AUTS2: variants seen among roughly 807,000 people sequenced by gnomAD.
AUTS2 encodes activator of transcription and developmental regulator AUTS2.
Under a neutral mutation model 112.4 loss-of-function variants are expected in AUTS2, and 17 were observed. That is an observed-to-expected ratio of 0.15 (90% confidence interval 0.10 to 0.23). The LOEUF is 0.23. Ranked by LOEUF, AUTS2 falls within the 10% of genes least tolerant of loss-of-function variation. The pLI is 1.00. For missense variants in AUTS2, 1,510 were observed against 1,701.6 expected (o/e 0.89, Z 1.98); for synonymous variants, 751 against 702.7 (o/e 1.07, Z -1.09).
intron 5 of AUTS2, among the ~76,000 whole-genome samples, chr7:70,594,648 T>G (rs1185007827): frequency 6.6e-6 from 1 of 152,198 alleles, no homozygotes; most frequent in East Asian, 1.9e-4. Flanking sequence ...CTTGCTGTTT[T>G]TCTCTCTCCT....
chr7:70,458,184 T>A (rs1585168978), intron 5 of AUTS2, among the ~76,000 whole-genome samples: 1 of 152,000 alleles, frequency 6.6e-6, no homozygotes, highest in South Asian at 2.1e-4. Context: ...CAGCCTGGAG[T>A]GGCCCACAGC....
chr7:69,965,969 G>T (rs1006049024), intron 2 of AUTS2, among the ~76,000 whole-genome samples: 1 of 152,154 alleles, frequency 6.6e-6, no homozygotes, highest in Non-Finnish European at 1.5e-5. Context: ...TTATTACAGG[G>T]AAGTTTATAA....
chr7:70,152,788 A>G (rs1197506261), intron 4 of AUTS2, among the ~76,000 whole-genome samples: 1 of 152,186 alleles, frequency 6.6e-6, no homozygotes, highest in East Asian at 1.9e-4. Context: ...AAAGCAAATT[A>G]AAACCATAAT....
At chr7:69,724,623 T>C (rs763019330) in intron 1 of AUTS2, among the ~76,000 whole-genome samples, 11 of 152,226 alleles carry the variant, frequency 7.2e-5, no homozygotes, top group Non-Finnish European at 1.3e-4. Flanking sequence ...TTTGTTTTGC[T>C]GAGCTGAATG....
Position 70,790,751 on chromosome 7 carries a change from C to T in AUTS2, c.3535C>T (p.Leu1179Phe), listed in dbSNP as rs768756485. The T allele has an allele frequency of 8.1e-6, 13 of 1,613,482 alleles. No individual in the cohort carries two copies. Among genetic ancestry groups the T allele is most frequent in the Non-Finnish European group, 1.1e-5 (13 of 1,179,896 alleles). ...GCACCCCGCCTCCCTCGACGGACAC[C>T]TCCCCCACCCCAGCCTCATCACCCC... ...SVHPASLDGH[L>F]PHPSLITPGL... Residue 1179 changes from leucine (L) to phenylalanine (F), a missense_variant, in exon 19 of 19, where the codon CTC becomes TTC. Leu to Phe is a conservative substitution (Grantham distance 22, BLOSUM62 0). This residue lies in a region of AUTS2 where 788 missense variants were observed against 797.6 expected (regional missense o/e 0.99). Coordinates refer to ENST00000342771, the MANE Select transcript of AUTS2 (RefSeq NM_015570.4). This position sits in a 1 kb window ranked among gnomAD's most constrained non-coding sequence, Gnocchi z 7.6.
At chr7:70,702,783 G>A (rs1399327325) in intron 6 of AUTS2, among the ~76,000 whole-genome samples, 1 of 152,104 alleles carries the variant, frequency 6.6e-6, no homozygotes, top group Admixed American at 6.5e-5. Flanking sequence ...CAACGCTCTG[G>A]CCACCTGGAG....
Position 70,790,179 on chromosome 7 carries a change from A to G in AUTS2, c.2963A>G (p.Glu988Gly). The change falls in exon 19 of 19, where the codon GAA (glutamate) becomes GGA (glycine). Residue 988 changes from glutamate (E) to glycine (G), a missense_variant. Coordinates refer to ENST00000342771, the MANE Select transcript of AUTS2 (RefSeq NM_015570.4). The surrounding 1 kb of genome is among the most constrained non-coding windows in gnomAD (Gnocchi z 7.6). ...SEVKVKEERK[E>G]DHDLPPEAPQ... ...GTCAAGGTGAAGGAGGAGCGGAAGG[A>G]AGACCATGACCTGCCTCCAGAGGCC... 1 of 1,612,206 alleles carries G rather than the reference A, an allele frequency of 6.2e-7. No homozygotes were observed. The highest frequency in any genetic ancestry group is 8.5e-7 in the Non-Finnish European group (1 of 1,179,682).
intron 2 of AUTS2, among the ~76,000 whole-genome samples, chr7:69,937,495 A>G (rs1399512430): frequency 6.6e-6 from 1 of 152,128 alleles, no homozygotes; most frequent in East Asian, 1.9e-4. Flanking sequence ...TTGAATGTAG[A>G]TGCTTGAAAC....
intron 2 of AUTS2, among the ~76,000 whole-genome samples, chr7:69,985,830 A>G (rs532275743): frequency 2.0e-5 from 3 of 151,630 alleles, no homozygotes; most frequent in South Asian, 4.2e-4. Flanking sequence ...AATATGATTC[A>G]CTGCAGCCTC....
At chr7:70,657,840 G>T (rs1806854572) in intron 5 of AUTS2, among the ~76,000 whole-genome samples, 1 of 152,134 alleles carries the variant, frequency 6.6e-6, no homozygotes, top group South Asian at 2.1e-4. Flanking sequence ...CTGGGGACAG[G>T]CAGGGAGAAA....
chr7:70,407,898 C>T (rs569757353), intron 4 of AUTS2, among the ~76,000 whole-genome samples: 1 of 151,756 alleles, frequency 6.6e-6, no homozygotes, highest in Non-Finnish European at 1.5e-5. Context: ...ACTAAAAATA[C>T]AAAAAATTAG....
At chr7:70,652,551 T>G (rs6978261) in intron 5 of AUTS2, among the ~76,000 whole-genome samples, 29,317 of 152,048 alleles carry the variant, frequency 0.19, 3,450 homozygotes, top group East Asian at 0.37. Flanking sequence ...AGTTGGAAAA[T>G]GTGCCAAGTC....
Position 70,109,160 on chromosome 7 carries a change from T to G in AUTS2, c.523-8972T>G, listed in dbSNP as rs565494030. On this transcript the variant is annotated intron_variant, in intron 2 of 18. Coordinates refer to ENST00000342771, the MANE Select transcript of AUTS2 (RefSeq NM_015570.4). Reference sequence around the variant, plus strand: ...CCATTTAAAAAGTTATTGAAACATGTTTTTTAAAAACAGAAAATCATAAAA... The same window carrying G: ...CCATTTAAAAAGTTATTGAAACATGGTTTTTAAAAACAGAAAATCATAAAA... Among the ~76,000 whole-genome samples the G allele has an allele frequency of 6.5e-4, 99 of 152,332 alleles. 1 individual carries two copies. The highest frequency in any genetic ancestry group is 9.1e-4 in the Admixed American group (14 of 15,304).
chr7:69,781,581 G>T (rs187115727), intron 1 of AUTS2, among the ~76,000 whole-genome samples: 1 of 152,330 alleles, frequency 6.6e-6, no homozygotes, highest in African/African-American at 2.4e-5. Flanking sequence ...TAGAATAATT[G>T]TTTGTTTAAA....
intron 4 of AUTS2, among the ~76,000 whole-genome samples, chr7:70,334,550 G>A (rs1397658124): frequency 1.3e-5 from 2 of 152,176 alleles, no homozygotes; most frequent in Admixed American, 6.5e-5. Context: ...GTAGATCAGG[G>A]AGGACTTGAT....
chr7:70,225,466 T>G (rs999066418), intron 4 of AUTS2, among the ~76,000 whole-genome samples: 3 of 152,150 alleles, frequency 2.0e-5, no homozygotes, highest in African/African-American at 7.2e-5. Context: ...TCATCCTGTG[T>G]CCCAGGAGCT....
intron 5 of AUTS2, among the ~76,000 whole-genome samples, chr7:70,576,548 C>G (rs1454390633): frequency 6.6e-6 from 1 of 152,154 alleles, no homozygotes; most frequent in Non-Finnish European, 1.5e-5. Context: ...TGACTTTCTG[C>G]TAAGACACAC....
At chr7:70,482,160 G>A (rs1797814390) in intron 5 of AUTS2, among the ~76,000 whole-genome samples, 1 of 152,172 alleles carries the variant, frequency 6.6e-6, no homozygotes, top group South Asian at 2.1e-4. Context: ...TTAGGAAAAA[G>A]TGTTCAGTAA....
intron 6 of AUTS2, chr7:70,699,373 A>G (rs1445040345): frequency 6.6e-6 from 1 of 152,182 alleles, no homozygotes; most frequent in East Asian, 1.9e-4. Context: ...TGGCATGATA[A>G]TTGCTAAGTA....
Sources: gnomAD v4.1 joint callset for allele counts (sites outside exome capture counted in the v4.1 genomes callset) on GRCh38, gnomAD v4.1.1 for gene constraint, gnomAD v4.1.1 regional missense constraint, Gnocchi (gnomAD v3.1) non-coding constraint, MANE v1.5 for transcripts, NCBI Gene and HGNC (gene_info 2026-07-23, HGNC 2026-07-21) for gene names.